The following HK1 variants were observed in gnomAD, a reference collection of about 807,000 sequenced individuals.
HK1 encodes hexokinase-1.
Under a neutral mutation model 91.6 loss-of-function variants are expected in HK1, and 28 were observed. The observed-to-expected ratio is 0.31, with a 90% CI of 0.23 to 0.42. The LOEUF (loss-of-function observed/expected upper bound fraction) is 0.42. HK1 is among the 10% of genes least tolerant of loss of function. HK1 has a pLI of 1.00. For synonymous variants in HK1, 430 were observed against 468.1 expected, an observed-to-expected ratio of 0.92 and a Z score of 1.05; for missense variants, 770 against 1,219.8, an observed-to-expected ratio of 0.63 and a Z score of 5.49.
At chr10:69,327,705 C>T (rs979503321) in intron 1 of HK1, among the ~76,000 whole-genome samples, 3 of 152,140 alleles carry the variant, frequency 2.0e-5, no homozygotes, top group African/African-American at 7.2e-5. Context: ...GTGCAGGTTG[C>T]CTTTGTTCCA....
At chr10:69,295,636 A>G (rs1845525924) in exon 4 of HK1, 2 of 1,607,072 alleles carry the variant, frequency 1.2e-6, no homozygotes, top group South Asian at 1.1e-5. Context: ...CTCTAAGGCT[A>G]CAGCAGCTGA....
upstream of HK1, among the ~76,000 whole-genome samples, chr10:69,315,055 C>G (rs559189620): frequency 6.6e-5 from 10 of 152,298 alleles, no homozygotes; most frequent in African/African-American, 2.4e-4. Flanking sequence ...GACCTCATTT[C>G]AATTTAAGAA....
intron 13 of HK1, among the ~76,000 whole-genome samples, chr10:69,388,083 A>G (rs1380421579): frequency 3.3e-5 from 5 of 152,114 alleles, no homozygotes; most frequent in African/African-American, 9.7e-5. Flanking sequence ...AAAAAACAAA[A>G]AGGGCTGAGT....
At chr10:69,304,583 C>T (rs1444663198) in intron 5 of HK1, among the ~76,000 whole-genome samples, 1 of 152,222 alleles carries the variant, frequency 6.6e-6, no homozygotes, top group East Asian at 1.9e-4. Context: ...GCTAGGATTA[C>T]AGGCGTGAGC....
Position 69,382,720 on chromosome 10 carries a change from G to A in HK1, c.1499G>A (p.Arg500Lys), listed in dbSNP as rs752199128. ...RMRAEMELGL[R>K]KQTHNNAVVK... The stretch of plus-strand genomic sequence containing the variant: ...CGGGCCGAGATGGAGCTGGGGCTGA[G>A]GAAGCAGACGCACAACAATGCCGTG... The change falls in exon 10 of 18, where the codon AGG becomes AAG. Residue 500 changes from arginine (R) to lysine (K), a missense_variant. By Grantham distance (26) the Arg-to-Lys change is conservative. Transcript: ENST00000359426. 1 of 1,613,552 alleles carries A rather than the reference G, an allele frequency of 6.2e-7. No individual in the cohort carries two copies. The highest frequency in any genetic ancestry group is 1.7e-5 in the Admixed American group (1 of 60,004).
intron 10 of HK1, among the ~76,000 whole-genome samples, chr10:69,383,211 C>T (rs1014604967): frequency 1.3e-5 from 2 of 152,170 alleles, no homozygotes; most frequent in African/African-American, 4.8e-5. Context: ...TTCTTAAAAG[C>T]TGGGCAAATC....
Position 69,343,887 on chromosome 10 carries a change from C to T in HK1, c.124C>T (p.Arg42Cys), listed in dbSNP as rs777012229. 3 of 1,613,872 alleles carry T rather than the reference C, an allele frequency of 1.9e-6. No individual in the cohort carries two copies. Among genetic ancestry groups the T allele is most frequent in the Non-Finnish European group, 2.5e-6 (3 of 1,179,826 alleles). ...SDETLIDIMT[R>C]FRKEMKNGLS... ...TGAAACTCTCATAGATATCATGACT[C>T]GCTTCAGGAAGGAGATGAAGAATGG... The change falls in exon 2 of 18, where the codon CGC (arginine) becomes TGC (cysteine). Residue 42 changes from arginine to cysteine, a missense_variant. Around this residue, in one of 7 missense-constraint regions of HK1, gnomAD observed 449 missense variants for 665.1 expected, o/e 0.68. Transcript: ENST00000359426.
At chr10:69,313,493 G>A (rs971624867), upstream of HK1, among the ~76,000 whole-genome samples, 6 of 151,900 alleles carry the variant, frequency 3.9e-5, no homozygotes, top group Admixed American at 2.0e-4. Context: ...ACGGAATTTC[G>A]CTTTTGTGGC....
intron 16 of HK1, 28 bp from the exon 17 acceptor site, chr10:69,398,567 C>A: frequency 3.8e-6 from 6 of 1,588,814 alleles, no homozygotes; most frequent in Non-Finnish European, 5.2e-6. Context: ...CCTGCTTCAT[C>A]CAGCCCTCTG....
intron 9 of HK1, among the ~76,000 whole-genome samples, chr10:69,381,125 C>T (rs1348195820): frequency 6.6e-6 from 1 of 151,614 alleles, no homozygotes; most frequent in African/African-American, 2.4e-5. Flanking sequence ...CAATGTGGCT[C>T]TACAAAAAAT....
intron 1 of HK1, among the ~76,000 whole-genome samples, chr10:69,277,686 C>T (rs1844536002): frequency 6.6e-6 from 1 of 152,082 alleles, no homozygotes; most frequent in Non-Finnish European, 1.5e-5. Flanking sequence ...TTTTGTAGCT[C>T]CTTATAAGCC....
chr10:69,289,460 AATTTTTT>A (rs1256768408), intron 3 of HK1, among the ~76,000 whole-genome samples: 1,415 of 93,698 alleles, frequency 0.015, 12 homozygotes, highest in Non-Finnish European at 0.022. Context: ...TAAAAAAAAA[AATTTTTT>A]TTTTTTTTTT....
At chr10:69,272,746 GT>G (rs1365769754) in intron 1 of HK1, among the ~76,000 whole-genome samples, 2 of 150,480 alleles carry the variant, frequency 1.3e-5, no homozygotes, top group African/African-American at 4.9e-5. Context: ...GCTTGGATGT[GT>G]TTTTGTTTTA....
intron 1 of HK1, among the ~76,000 whole-genome samples, chr10:69,277,434 G>T (rs1300109461): frequency 6.6e-6 from 1 of 152,050 alleles, no homozygotes; most frequent in Non-Finnish European, 1.5e-5. Context: ...CAGGCATGGT[G>T]GTGCCCACCT....
Position 69,401,116 on chromosome 10 carries a change from G to C in HK1, c.2735G>C (p.Arg912Pro). Reference sequence around the variant, plus strand: ...ATCACGGCCGTGGGCGTGCGGTTACGCACAGAGGCAAGCAGCTAAGAGTCC... The same window carrying C: ...ATCACGGCCGTGGGCGTGCGGTTACCCACAGAGGCAAGCAGCTAAGAGTCC... ...ALITAVGVRL[R>P]TEASS Residue 912 changes from arginine (R) to proline (P), a missense_variant, in exon 18 of 18, where the codon CGC becomes CCC. By Grantham distance (103) the Arg-to-Pro change is moderately radical. Coordinates refer to ENST00000359426, the MANE Select transcript of HK1 (RefSeq NM_000188.3). 2.5e-6 allele frequency: 4 copies of C among 1,613,890 alleles called. No homozygotes were observed. The highest frequency in any genetic ancestry group is 2.5e-6 in the Non-Finnish European group (3 of 1,180,000).
intron 7 of HK1, among the ~76,000 whole-genome samples, chr10:69,373,555 A>G (rs74233643): frequency 0.02 from 2,851 of 146,074 alleles, 69 homozygotes; most frequent in East Asian, 0.097. Flanking sequence ...CTTTTATATC[A>G]TTTTTAATTC....
intron 3 of HK1, among the ~76,000 whole-genome samples, chr10:69,290,347 G>A (rs1050254959): frequency 6.6e-6 from 1 of 152,218 alleles, no homozygotes; most frequent in Non-Finnish European, 1.5e-5. Flanking sequence ...CGAGGCAAGA[G>A]GTGAGGGTCT....
At chr10:69,367,666 G>T (rs1405380756) in intron 4 of HK1, among the ~76,000 whole-genome samples, 2 of 151,838 alleles carry the variant, frequency 1.3e-5, no homozygotes, top group East Asian at 3.9e-4. Flanking sequence ...CTGGGGCGGG[G>T]CCCATGTGCT....
chr10:69,308,239 G>A lies in HK1; in HGVS notation c.27+7378G>A, dbSNP rs115088085. ...TTCCACAGACCCGTGTGTGTGTGGG[G>A]ATGGTTTCGGGGTGAAACTGTTCCA... On this transcript the variant is annotated intron_variant, in intron 5 of 21. Transcript: ENST00000360289. Among the ~76,000 whole-genome samples, 388 of 152,284 alleles carry A rather than the reference G, an allele frequency of 2.5e-3. 2 individuals are homozygous for A. The highest frequency in any genetic ancestry group is 9.0e-3 in the African/African-American group (375 of 41,552).
Sources: allele counts gnomAD v4.1 joint callset (sites outside exome capture counted in the v4.1 genomes callset), GRCh38; gene constraint gnomAD v4.1.1; regional missense constraint gnomAD v4.1.1; transcripts MANE v1.5; gene names NCBI Gene and HGNC (gene_info 2026-07-23, HGNC 2026-07-21).